The following TBC1D22A variants were observed in gnomAD, a reference collection of about 807,000 sequenced individuals.
The protein encoded by TBC1D22A is TBC1 domain family member 22A.
TBC1D22A carries 38 observed loss-of-function variants against 60.2 expected under a neutral mutation model. The ratio of observed to expected loss-of-function variants is 0.63; its 90% CI spans 0.49 to 0.83. TBC1D22A has a LOEUF of 0.83. Among genes scored for constraint, TBC1D22A ranks in the 40% least tolerant of loss-of-function variants. The pLI, the probability that TBC1D22A is intolerant of heterozygous loss-of-function variation, is 0.00. For synonymous variants in TBC1D22A, 302 were observed against 281.7 expected, an observed-to-expected ratio of 1.07 and a Z score of -0.72; for missense variants, 628 against 701.0, an observed-to-expected ratio of 0.90 and a Z score of 1.18.
intron 9 of TBC1D22A, among the ~76,000 whole-genome samples, chr22:46,977,732 G>T (rs1045278603): frequency 3.3e-5 from 5 of 152,178 alleles, no homozygotes; most frequent in African/African-American, 9.7e-5. Flanking sequence ...ATGGCAGAAA[G>T]TGAAGTGGAA....
intron 2 of TBC1D22A, 139 bp downstream of exon 2, chr22:46,792,715 A>G: frequency 1.3e-6 from 2 of 1,571,386 alleles, no homozygotes; most frequent in South Asian, 1.2e-5. Flanking sequence ...ACACTGATCA[A>G]GCAGTCGCTT....
chr22:47,132,719 G>A (rs1442745798), intron 12 of TBC1D22A, among the ~76,000 whole-genome samples: 7 of 152,238 alleles, frequency 4.6e-5, no homozygotes, highest in Non-Finnish European at 7.3e-5. Context: ...GGGGGAGGCT[G>A]TGATGGCCCC....
At chr22:46,834,480 C>T (rs2086437981) in intron 4 of TBC1D22A, among the ~76,000 whole-genome samples, 1 of 152,270 alleles carries the variant, frequency 6.6e-6, no homozygotes, top group Non-Finnish European at 1.5e-5. Context: ...TGCCAACTCC[C>T]TTGGTTCTTG....
intron 12 of TBC1D22A, among the ~76,000 whole-genome samples, chr22:47,164,037 G>T (rs1461782540): frequency 2.0e-5 from 3 of 152,222 alleles, no homozygotes; most frequent in African/African-American, 7.2e-5. Flanking sequence ...ACCGCGCCAG[G>T]TAACAGAGCT....
At chr22:47,118,918 G>C (rs977570465) in intron 12 of TBC1D22A, among the ~76,000 whole-genome samples, 1 of 152,188 alleles carries the variant, frequency 6.6e-6, no homozygotes, top group Non-Finnish European at 1.5e-5. Context: ...TTGGAAGGCC[G>C]AGGCGCGTGA....
chr22:47,041,329 G>A (rs2062837343), intron 11 of TBC1D22A, among the ~76,000 whole-genome samples: 1 of 152,178 alleles, frequency 6.6e-6, no homozygotes, highest in Non-Finnish European at 1.5e-5. Context: ...TGTCTCCCTG[G>A]GCTTCGGATC....
chr22:47,149,338 G>A (rs1405570696), intron 12 of TBC1D22A, among the ~76,000 whole-genome samples: 3 of 152,228 alleles, frequency 2.0e-5, no homozygotes, highest in Non-Finnish European at 4.4e-5. Context: ...TCCCTCAAAT[G>A]GCTTTCAAAA....
intron 7 of TBC1D22A, among the ~76,000 whole-genome samples, chr22:46,902,393 C>G (rs774472531): frequency 1.4e-4 from 22 of 152,262 alleles, no homozygotes; most frequent in Non-Finnish European, 3.1e-4. Flanking sequence ...TTCCCACTCT[C>G]TAACAAAGAC....
At position 46,891,261 on chromosome 22, in the gene TBC1D22A, C is replaced by T. The variant is rs1185985713; in HGVS notation, c.709-5C>T. On this transcript the variant is annotated splice_polypyrimidine_tract_variant and splice_region_variant and intron_variant, in intron 5 of 12. Coordinates refer to ENST00000337137, the MANE Select transcript of TBC1D22A (RefSeq NM_014346.5). ...ATGTATATTTTTTGTTTATTTCTCA[C>T]CCAGGGTTACCTTCCCGCCAATGTA... 6.2e-7 allele frequency: 1 copy of T among 1,600,866 alleles called. No individual in the cohort carries two copies. Among genetic ancestry groups the T allele is most frequent in the South Asian group, 1.1e-5 (1 of 88,260 alleles).
chr22:46,868,685 C>T (rs2067167419), intron 4 of TBC1D22A, among the ~76,000 whole-genome samples: 1 of 152,156 alleles, frequency 6.6e-6, no homozygotes, highest in Non-Finnish European at 1.5e-5. Flanking sequence ...GCTAATTTTG[C>T]AGATTTTTAC....
At chr22:46,901,423 A>G (rs967283163) in intron 7 of TBC1D22A, among the ~76,000 whole-genome samples, 2 of 152,220 alleles carry the variant, frequency 1.3e-5, no homozygotes, top group Admixed American at 6.5e-5. Flanking sequence ...GGACATAAGG[A>G]AACCTCTGTG....
chr22:47,132,893 C>A (rs533992405), intron 12 of TBC1D22A, among the ~76,000 whole-genome samples: 33 of 152,376 alleles, frequency 2.2e-4, no homozygotes, highest in African/African-American at 7.7e-4. Context: ...GATTTCAGTT[C>A]GAACCAGGGC....
intron 8 of TBC1D22A, among the ~76,000 whole-genome samples, chr22:46,968,521 A>C (rs554294616): frequency 7.0e-6 from 1 of 142,060 alleles, no homozygotes. Flanking sequence ...CTGAGTGGGC[A>C]GGCGTCCTCA....
intron 8 of TBC1D22A, among the ~76,000 whole-genome samples, chr22:46,962,451 A>G (rs1192931188): frequency 6.6e-6 from 1 of 152,204 alleles, no homozygotes. Flanking sequence ...TTTTACCAAT[A>G]TCTCTCAATA....
intron 9 of TBC1D22A, among the ~76,000 whole-genome samples, chr22:46,986,637 C>A (rs2074734266): frequency 6.6e-6 from 1 of 152,122 alleles, no homozygotes; most frequent in South Asian, 2.1e-4. Context: ...TTCTGACGTT[C>A]CTTCAAATGG....
At chr22:46,973,823 T>G (rs1400635685) in intron 8 of TBC1D22A, among the ~76,000 whole-genome samples, 1 of 152,166 alleles carries the variant, frequency 6.6e-6, no homozygotes, top group Admixed American at 6.5e-5. Flanking sequence ...CTTTCTGGGG[T>G]TTTGATCATA....
At chr22:46,830,864 G>C (rs900056663) in intron 4 of TBC1D22A, among the ~76,000 whole-genome samples, 1 of 152,160 alleles carries the variant, frequency 6.6e-6, no homozygotes, top group South Asian at 2.1e-4. Context: ...TGTGCCGAGC[G>C]GGCTCTGGGC....
intron 4 of TBC1D22A, among the ~76,000 whole-genome samples, chr22:46,846,932 C>T (rs925141159): frequency 1.3e-5 from 2 of 152,218 alleles, no homozygotes; most frequent in African/African-American, 2.4e-5. Context: ...ACAACTCCTG[C>T]GGTTTTCAGA....
chr22:46,923,240 G>A (rs1419043327), intron 8 of TBC1D22A, among the ~76,000 whole-genome samples: 3 of 152,342 alleles, frequency 2.0e-5, no homozygotes, highest in East Asian at 1.9e-4. Flanking sequence ...TCTCCTCACT[G>A]TGCAGCCTCC....
Sources: gnomAD v4.1 joint callset for allele counts (sites outside exome capture counted in the v4.1 genomes callset) on GRCh38, gnomAD v4.1.1 for gene constraint, MANE v1.5 for transcripts, NCBI Gene and HGNC (gene_info 2026-07-23, HGNC 2026-07-21) for gene names.